Variants in DNAH9 observed in about 807,000 individuals in gnomAD.
DNAH9 encodes DNAH9 variant protein.
In DNAH9, 345 loss-of-function variants were observed where a neutral mutation model predicts 471.6. The observed-to-expected ratio is 0.73, with a 90% confidence interval of 0.67 to 0.80. The LOEUF is 0.80. Among genes scored for constraint, DNAH9 ranks in the 30% least tolerant of loss-of-function variants. The pLI is 0.00. For synonymous variants in DNAH9, 2,093 were observed against 2,123.6 expected, an observed-to-expected ratio of 0.99 and a Z score of 0.40; for missense variants, 5,407 against 5,609.2, an observed-to-expected ratio of 0.96 and a Z score of 1.15.
At chr17:11,677,560 C>T (rs1406042047) in intron 17 of DNAH9, among the ~76,000 whole-genome samples, 1 of 152,132 alleles carries the variant, frequency 6.6e-6, no homozygotes. Context: ...TTATAATGAG[C>T]ATAGAACTGA....
intron 45 of DNAH9, among the ~76,000 whole-genome samples, chr17:11,815,787 T>A (rs1970077131): frequency 6.6e-6 from 1 of 151,938 alleles, no homozygotes; most frequent in Non-Finnish European, 1.5e-5. Flanking sequence ...AGACCATGTC[T>A]CCAAAAAAAG....
intron 38 of DNAH9, 78 bp downstream of exon 38, chr17:11,769,407 A>G (rs376097072): frequency 5.2e-6 from 7 of 1,349,318 alleles, no homozygotes; most frequent in Non-Finnish European, 7.2e-6. Context: ...GCCAAGCGTC[A>G]GGTGCCTGCC....
chr17:11,742,331 G>A lies in DNAH9; in HGVS notation c.6111+18G>A, dbSNP rs1487415337. 1.2e-6 allele frequency: 2 copies of A among 1,613,666 alleles called. No individual in the cohort carries two copies. Among genetic ancestry groups the A allele is most frequent in the Non-Finnish European group, 1.7e-6 (2 of 1,179,728 alleles). On this transcript the variant is annotated intron_variant, in intron 30 of 68. Transcript: ENST00000262442. ...CCAAACAGGTAGGATCTCTAGGGAG[G>A]CTGTACAACCAAGCACCGTGCAACA...
chr17:11,751,442 T>C (rs1172972312), intron 32 of DNAH9, among the ~76,000 whole-genome samples: 1 of 152,042 alleles, frequency 6.6e-6, no homozygotes, highest in Admixed American at 6.5e-5. Flanking sequence ...AATGTAGGGA[T>C]AGAGCAATTG....
chr17:11,773,505 AAAG>A (rs1257326844), intron 38 of DNAH9, among the ~76,000 whole-genome samples: 1 of 152,126 alleles, frequency 6.6e-6, no homozygotes, highest in East Asian at 1.9e-4. Flanking sequence ...TCTTGTTTAA[AAAG>A]AAATATATAA....
At chr17:11,633,133 G>A (rs560457216) in intron 8 of DNAH9, among the ~76,000 whole-genome samples, 7 of 152,206 alleles carry the variant, frequency 4.6e-5, no homozygotes, top group Admixed American at 2.0e-4. Context: ...ATCATATCAC[G>A]CTCAGATCAG....
intron 36 of DNAH9, 83 bp from the exon 37 acceptor site, chr17:11,768,370 C>T: frequency 7.1e-7 from 1 of 1,407,902 alleles, no homozygotes; most frequent in Non-Finnish European, 9.9e-7. Context: ...CCTGCCCTGA[C>T]CTTCTATCTG....
intron 5 of DNAH9, 58 bp downstream of exon 5, chr17:11,617,680 A>G (rs2072774875): frequency 7.9e-7 from 1 of 1,268,470 alleles, no homozygotes; most frequent in African/African-American, 1.5e-5. Context: ...GCATCTAGTC[A>G]CAGGAGAGAA....
At chr17:11,944,910 G>A (rs145555396) in intron 67 of DNAH9, among the ~76,000 whole-genome samples, 1 of 152,338 alleles carries the variant, frequency 6.6e-6, no homozygotes, top group African/African-American at 2.4e-5. Flanking sequence ...CAAAATGAAG[G>A]TGCAAAGGGG....
intron 50 of DNAH9, among the ~76,000 whole-genome samples, chr17:11,859,411 C>CAAAAA (rs34446360): frequency 7.6e-6 from 1 of 131,476 alleles, no homozygotes; most frequent in African/African-American, 2.8e-5. Context: ...GACTCCGTCT[C>CAAAAA]AAAAAAAAAA....
At chr17:11,706,847 AGTCACAGACAT>A (rs2074710694) in intron 26 of DNAH9, among the ~76,000 whole-genome samples, 2 of 152,244 alleles carry the variant, frequency 1.3e-5, no homozygotes, top group African/African-American at 4.8e-5. Context: ...TTGGTGGCAA[AGTCACAGACAT>A]GGGAAAACTC....
chr17:11,671,796 G>A (rs574115396), intron 17 of DNAH9, among the ~76,000 whole-genome samples: 1 of 152,302 alleles, frequency 6.6e-6, no homozygotes, highest in Non-Finnish European at 1.5e-5. Context: ...GCTGCCATAG[G>A]CATCAACCAG....
At chr17:11,886,198 C>A (rs1278807905) in intron 56 of DNAH9, among the ~76,000 whole-genome samples, 1 of 152,116 alleles carries the variant, frequency 6.6e-6, no homozygotes, top group Non-Finnish European at 1.5e-5. Context: ...GTGGCAGGCG[C>A]CTGTAATCCC....
At chr17:11,826,230 C>T (rs1056712475) in intron 48 of DNAH9, among the ~76,000 whole-genome samples, 3 of 152,094 alleles carry the variant, frequency 2.0e-5, no homozygotes, top group Admixed American at 6.6e-5. Flanking sequence ...GTAATCAAGC[C>T]GATTCCCTGC....
chr17:11,643,566 T>C (rs918322199), intron 10 of DNAH9, among the ~76,000 whole-genome samples: 3 of 152,360 alleles, frequency 2.0e-5, no homozygotes, highest in African/African-American at 7.2e-5. Context: ...ATTTCATCAT[T>C]ATGTGAACAT....
At chr17:11,697,097 T>A (rs1412914591) in intron 22 of DNAH9, among the ~76,000 whole-genome samples, 1 of 152,162 alleles carries the variant, frequency 6.6e-6, no homozygotes, top group Non-Finnish European at 1.5e-5. Flanking sequence ...CTTCAAGTGA[T>A]CCTCCCGTCT....
intron 49 of DNAH9, among the ~76,000 whole-genome samples, chr17:11,852,781 A>G (rs551452850): frequency 7.1e-6 from 1 of 141,808 alleles, no homozygotes; most frequent in African/African-American, 2.6e-5. Context: ...GGCAGTATAT[A>G]TAAGAGATAT....
chr17:11,805,360 A>G (rs1969627043), intron 43 of DNAH9, among the ~76,000 whole-genome samples: 1 of 151,980 alleles, frequency 6.6e-6, no homozygotes, highest in Non-Finnish European at 1.5e-5. Context: ...AGTTTCTTCC[A>G]AACTGGAGCT....
chr17:11,837,230 T>C (rs983304549), intron 49 of DNAH9, among the ~76,000 whole-genome samples: 1 of 152,216 alleles, frequency 6.6e-6, no homozygotes, highest in African/African-American at 2.4e-5. Flanking sequence ...AGTGATGGAA[T>C]AGGATACTGA....
Sources: gnomAD v4.1 joint callset for allele counts (sites outside exome capture counted in the v4.1 genomes callset) on GRCh38, gnomAD v4.1.1 for gene constraint, MANE v1.5 for transcripts, NCBI Gene and HGNC (gene_info 2026-07-23, HGNC 2026-07-21) for gene names.